The following ZNF366 variants were observed in gnomAD, a reference collection of about 807,000 sequenced individuals.
ZNF366 encodes dendritic cell-specific transcript protein.
In ZNF366, 20 loss-of-function variants were observed where a neutral mutation model predicts 47.2. The ratio of observed to expected loss-of-function variants is 0.42; its 90% CI spans 0.30 to 0.62. The LOEUF is 0.62. Among genes scored for constraint, ZNF366 ranks in the 20% least tolerant of loss-of-function variants. The pLI, the probability that ZNF366 is intolerant of heterozygous loss-of-function variation, is 0.16. For missense variants in ZNF366, 987 were observed against 976.3 expected (o/e 1.01, Z -0.15); for synonymous variants, 421 against 395.1 (o/e 1.07, Z -0.78).
chr5:72,468,087 A>C (rs1743471332), intron 1 of ZNF366, among the ~76,000 whole-genome samples: 1 of 152,222 alleles, frequency 6.6e-6, no homozygotes, highest in Admixed American at 6.5e-5. Flanking sequence ...GTCTTAATAT[A>C]TATGAACTTG....
At chr5:72,446,846 A>C (rs1742971137) in intron 4 of ZNF366, among the ~76,000 whole-genome samples, 1 of 152,210 alleles carries the variant, frequency 6.6e-6, no homozygotes, top group Non-Finnish European at 1.5e-5. Context: ...CTAGGTTCAA[A>C]TCTTGACTCT....
At chr5:72,467,707 G>A (rs1743462185) in intron 1 of ZNF366, among the ~76,000 whole-genome samples, 1 of 152,194 alleles carries the variant, frequency 6.6e-6, no homozygotes, top group Admixed American at 6.5e-5. Context: ...CCACGAAAGA[G>A]AGAAAATGAA....
intron 2 of ZNF366, among the ~76,000 whole-genome samples, chr5:72,458,015 T>C (rs1461297429): frequency 7.1e-6 from 1 of 139,922 alleles, no homozygotes; most frequent in African/African-American, 2.7e-5. Flanking sequence ...CATCTTTCTT[T>C]TTTTTTTTTT....
intron 3 of ZNF366, among the ~76,000 whole-genome samples, chr5:72,447,869 C>T (rs575592396): frequency 1.3e-5 from 2 of 152,240 alleles, no homozygotes; most frequent in East Asian, 3.9e-4. Context: ...GCTATTACCA[C>T]CCCCATTTTA....
intron 1 of ZNF366, among the ~76,000 whole-genome samples, chr5:72,490,902 A>ACTTT (rs1743995568): frequency 6.6e-6 from 1 of 152,182 alleles, no homozygotes. Flanking sequence ...GAACCCCAGC[A>ACTTT]GTGGTAGGAG....
chr5:72,491,472 G>T (rs1744007233), intron 1 of ZNF366, among the ~76,000 whole-genome samples: 1 of 152,198 alleles, frequency 6.6e-6, no homozygotes, highest in Non-Finnish European at 1.5e-5. Flanking sequence ...TTTGTGAGAA[G>T]GAGCAGAAGC....
rs541733439 is a variant in ZNF366, at chr5:72,497,418, C to T, written c.-15+9833G>A. ...AAGACTATTTTCCCCTCATTGACACCTTTGTCAAATCAATTGAACATATAC... is the reference window on the plus strand; with the variant it reads ...AAGACTATTTTCCCCTCATTGACACTTTTGTCAAATCAATTGAACATATAC... On this transcript the variant is annotated intron_variant, in intron 1 of 4. Coordinates refer to ENST00000318442, the MANE Select transcript of ZNF366 (RefSeq NM_152625.3). Among the ~76,000 whole-genome samples, 8 of 152,184 alleles carry T rather than the reference C, an allele frequency of 5.3e-5. No individual in the cohort carries two copies. The East Asian group carries it at 1.5e-3, about 29-fold the overall frequency.
At chr5:72,475,519 A>G (rs10061668) in intron 1 of ZNF366, among the ~76,000 whole-genome samples, 33,166 of 152,146 alleles carry the variant, frequency 0.22, 3,719 homozygotes, top group East Asian at 0.4. Context: ...ATGAAACTCA[A>G]CTGGTAATGC....
intron 1 of ZNF366, among the ~76,000 whole-genome samples, chr5:72,491,799 A>C (rs1744015780): frequency 6.6e-6 from 1 of 152,206 alleles, no homozygotes; most frequent in African/African-American, 2.4e-5. Context: ...AAAGAAAATC[A>C]ATCATTTTAT....
In ZNF366 at chr5:72,443,960, C is replaced by T; in HGVS notation, c.2031G>A (p.Lys677=). 1 of 1,614,220 alleles carries T rather than the reference C, an allele frequency of 6.2e-7. No individual in the cohort carries two copies. The highest frequency in any genetic ancestry group is 1.7e-5 in the Admixed American group (1 of 60,026). The stretch of plus-strand genomic sequence containing the variant: ...CTGCCCCAAGGTCACCCTTGCTCCT[C>T]TTCTCCCATTCTCCCTTGGATGCAT... The part of the protein sequence containing the change: ...KEDASKGEWE[K]RSKGDLGAEG... Residue 677 remains lysine (K), a synonymous_variant, in exon 5 of 5, where the codon AAG becomes AAA. Coordinates refer to ENST00000318442, the MANE Select transcript of ZNF366 (RefSeq NM_152625.3).
At chr5:72,490,659 G>A (rs567317675) in intron 1 of ZNF366, among the ~76,000 whole-genome samples, 2 of 152,182 alleles carry the variant, frequency 1.3e-5, no homozygotes. Flanking sequence ...GCTATTTGGG[G>A]TCTATTTTTC....
intron 1 of ZNF366, among the ~76,000 whole-genome samples, chr5:72,498,769 G>A (rs1744157726): frequency 6.6e-6 from 1 of 152,198 alleles, no homozygotes; most frequent in East Asian, 1.9e-4. Context: ...GTGTGTGTAT[G>A]TATACACAAG....
chr5:72,491,560 G>A (rs899775526), intron 1 of ZNF366, among the ~76,000 whole-genome samples: 2 of 152,152 alleles, frequency 1.3e-5, no homozygotes, highest in African/African-American at 2.4e-5. Context: ...GTTTCCTCCT[G>A]TGGAAAATGG....
At chr5:72,455,359 C>T (rs1458946594) in intron 3 of ZNF366, among the ~76,000 whole-genome samples, 2 of 152,168 alleles carry the variant, frequency 1.3e-5, no homozygotes, top group Admixed American at 6.5e-5. Flanking sequence ...GGGAACCCCA[C>T]TTCAGGAATA....
chr5:72,504,101 G>C (rs1184874481), intron 1 of ZNF366, among the ~76,000 whole-genome samples: 1 of 151,516 alleles, frequency 6.6e-6, no homozygotes, highest in Non-Finnish European at 1.5e-5. Context: ...ACACACGCGT[G>C]CATGCACACA....
chr5:72,461,017 C>T lies in ZNF366; in HGVS notation c.480G>A (p.Val160=), dbSNP rs779796201. The part of the protein sequence containing the change: ...VKQEPIKPSA[V]WPQPTPTPFL... Reference sequence around the variant, plus strand: ...ATGGAGTGGGCGTTGGCTGGGGCCACACGGCGCTGGGCTTAATGGGTTCCT... The same window carrying T: ...ATGGAGTGGGCGTTGGCTGGGGCCATACGGCGCTGGGCTTAATGGGTTCCT... The change falls in exon 2 of 5, where the codon GTG becomes GTA. Residue 160 remains valine (V), a synonymous_variant. Transcript: ENST00000318442. 179 of 1,613,984 alleles carry T rather than the reference C, an allele frequency of 1.1e-4. 3 individuals are homozygous for T. In the Admixed American group the frequency reaches 2.9e-3, roughly 26 times the overall value.
chr5:72,500,274 T>C (rs1234142140), intron 1 of ZNF366, among the ~76,000 whole-genome samples: 1 of 152,180 alleles, frequency 6.6e-6, no homozygotes, highest in African/African-American at 2.4e-5. Flanking sequence ...GTTTTAAATG[T>C]TTTTTTCAAG....
At chr5:72,493,895 C>T (rs1267302606) in intron 1 of ZNF366, among the ~76,000 whole-genome samples, 4 of 143,260 alleles carry the variant, frequency 2.8e-5, no homozygotes, top group Non-Finnish European at 6.0e-5. Context: ...GTTGGGATTA[C>T]AGGCGTGAGC....
chr5:72,480,828 G>A (rs938278643), intron 1 of ZNF366, among the ~76,000 whole-genome samples: 1 of 152,134 alleles, frequency 6.6e-6, no homozygotes, highest in South Asian at 2.1e-4. Context: ...AAAACCTTTG[G>A]GTTCTCAGAG....
Sources: allele counts gnomAD v4.1 joint callset (sites outside exome capture counted in the v4.1 genomes callset), GRCh38; gene constraint gnomAD v4.1.1; transcripts MANE v1.5; gene names NCBI Gene and HGNC (gene_info 2026-07-23, HGNC 2026-07-21).